Variants in SCN1A observed in about 807,000 individuals in gnomAD.
The protein encoded by SCN1A is sodium channel protein type 1 subunit alpha.
In SCN1A, 13 loss-of-function variants were observed where a neutral mutation model predicts 193.7. The observed-to-expected ratio is 0.07, with a 90% CI of 0.04 to 0.11. The LOEUF is 0.11. Ranked by LOEUF, SCN1A falls within the 10% of genes least tolerant of loss-of-function variation. The pLI is 1.00. For synonymous variants in SCN1A, 781 were observed against 843.6 expected (o/e 0.93, Z 1.29); for missense variants, 1,432 against 2,451.1 (o/e 0.58, Z 8.78).
intron 24 of SCN1A, among the ~76,000 whole-genome samples, chr2:166,000,447 A>G (rs916907564): frequency 6.6e-6 from 1 of 151,762 alleles, no homozygotes; most frequent in South Asian, 2.1e-4. Flanking sequence ...TGGCACTCAC[A>G]GGATGAAGGA....
At chr2:166,017,115 C>T (rs1693413436) in intron 19 of SCN1A, among the ~76,000 whole-genome samples, 2 of 151,018 alleles carry the variant, frequency 1.3e-5, no homozygotes, top group South Asian at 4.2e-4. Context: ...TGTCATAGCT[C>T]TGTGAATTCA....
At chr2:166,009,220 T>TCTA in intron 23 of SCN1A, 1 of 151,360 alleles carries the variant, frequency 6.6e-6, no homozygotes, top group Non-Finnish European at 1.5e-5. Context: ...ATCTTGAATA[T>TCTA]ATTCAAATAA....
chr2:165,985,760 T>G (rs964406831), downstream of SCN1A: 4 of 152,106 alleles, frequency 2.6e-5, no homozygotes, highest in Admixed American at 2.6e-4. Flanking sequence ...ATTGACAACC[T>G]CAGTGGGATA....
At chr2:166,130,224 G>A (rs1225184323), upstream of SCN1A, among the ~76,000 whole-genome samples, 1 of 152,182 alleles carries the variant, frequency 6.6e-6, no homozygotes, top group Non-Finnish European at 1.5e-5. Flanking sequence ...AAAGTTGCCA[G>A]TACTGCATCT....
intron 28 of SCN1A, chr2:165,993,683 C>T: frequency 6.0e-6 from 1 of 167,950 alleles, no homozygotes; most frequent in Non-Finnish European, 1.3e-5. Flanking sequence ...ATGTTTAGTC[C>T]TTGTCTTTAT....
intron 4 of SCN1A, among the ~76,000 whole-genome samples, chr2:166,070,323 G>C (rs6711853): frequency 0.075 from 11,420 of 152,258 alleles, 1,150 homozygotes; most frequent in African/African-American, 0.23. Flanking sequence ...AGATTTGCTT[G>C]CTGTCAGTTC....
At chr2:166,088,117 G>A (rs1028890575) in intron 2 of SCN1A, among the ~76,000 whole-genome samples, 3 of 143,102 alleles carry the variant, frequency 2.1e-5, no homozygotes, top group Non-Finnish European at 4.7e-5. Flanking sequence ...ATCTTGAATT[G>A]TCACTAAACC....
chr2:166,002,487 G>T lies in SCN1A; in HGVS notation c.4269C>A (p.Leu1423=). 6.2e-7 allele frequency: 1 copy of T among 1,611,238 alleles called. No homozygotes were observed. The highest frequency in any genetic ancestry group is 8.5e-7 in the Non-Finnish European group (1 of 1,178,386). Residue 1423 remains leucine (L), a synonymous_variant, in exon 24 of 29, where the codon CTC becomes CTA. Transcript: ENST00000674923. The part of the protein sequence containing the change: ...VNFDNVGFGY[L]SLLQVATFKG... ...GTTCACTTACAACTTGAAGCAAAGA[G>T]AGATACCCAAATCCTACATTATCAA...
At chr2:166,015,787 C>T in intron 19 of SCN1A, 60 bp from the exon 20 acceptor site, 3 of 1,585,392 alleles carry the variant, frequency 1.9e-6, no homozygotes, top group South Asian at 2.2e-5. Flanking sequence ...AGTTGCCTGC[C>T]AAGAAAGGAT....
At chr2:166,052,720 T>G in intron 8 of SCN1A, 132 bp downstream of exon 8, 1 of 823,302 alleles carries the variant, frequency 1.2e-6, no homozygotes. Context: ...AGCTTATGTC[T>G]AAACAATAAG....
At chr2:166,113,806 C>T (rs117613736) in intron 2 of SCN1A, among the ~76,000 whole-genome samples, 12 of 152,070 alleles carry the variant, frequency 7.9e-5, no homozygotes, top group East Asian at 7.7e-4. Flanking sequence ...CACTGAAGGC[C>T]GTAACTTCAC....
At chr2:166,016,954 T>G (rs1049626668) in intron 19 of SCN1A, among the ~76,000 whole-genome samples, 2 of 151,054 alleles carry the variant, frequency 1.3e-5, no homozygotes, top group African/African-American at 4.9e-5. Flanking sequence ...AGTAAAAGTT[T>G]CACCGAAATA....
At chr2:166,109,683 C>T (rs1193250169) in intron 2 of SCN1A, 1 of 152,174 alleles carries the variant, frequency 6.6e-6, no homozygotes. Context: ...TTTAATGTCA[C>T]TTTAGTAATT....
chr2:166,006,956 T>C (rs1691748170), intron 23 of SCN1A, among the ~76,000 whole-genome samples: 1 of 151,190 alleles, frequency 6.6e-6, no homozygotes, highest in Non-Finnish European at 1.5e-5. Flanking sequence ...TCCCCAAAGA[T>C]GGATAACTCC....
chr2:166,107,202 C>A (rs1380282693), intron 2 of SCN1A, among the ~76,000 whole-genome samples: 2 of 152,156 alleles, frequency 1.3e-5, no homozygotes, highest in Non-Finnish European at 2.9e-5. Context: ...TTCACATAAG[C>A]ATTTATCTGC....
rs532595587 is a variant in SCN1A at position 166,118,907 on chromosome 2, A to C, written c.-142+8017T>G. On this transcript the variant is annotated intron_variant, in intron 2 of 28. Transcript: ENST00000674923. The stretch of plus-strand genomic sequence containing the variant: ...CAATAATCTAGATAAGGAGTCCCCA[A>C]CCTTTTTGGCACCAGGGACTGGTTT... Among the ~76,000 whole-genome samples the C allele has an allele frequency of 7.0e-4, 107 of 152,260 alleles. 1 individual carries two copies. Among genetic ancestry groups the C allele is most frequent in the African/African-American group, 2.4e-3 (101 of 41,566 alleles).
intron 1 of SCN1A, among the ~76,000 whole-genome samples, chr2:166,135,787 C>T (rs1691832979): frequency 6.6e-6 from 1 of 152,100 alleles, no homozygotes; most frequent in East Asian, 1.9e-4. Context: ...GCCTAGTTCT[C>T]CTCGTGATTC....
chr2:166,076,291 C>T (rs1217809949), intron 3 of SCN1A, among the ~76,000 whole-genome samples: 1 of 151,784 alleles, frequency 6.6e-6, no homozygotes, highest in Non-Finnish European at 1.5e-5. Flanking sequence ...TATCACCTTT[C>T]CCTCTTGTAT....
At position 165,992,276 on chromosome 2, in the gene SCN1A, G is replaced by A. The variant is rs796053032; in HGVS notation, c.4999C>T (p.Leu1667Phe). ...AGGCCGATGTTAAACAACGCAGGAA[G>A]GGACATCATCAAAGCAAAGAGCAGC... Reference protein sequence around the residue: ...RTLLFALMMSLPALFNIGLLL... With the variant: ...RTLLFALMMSFPALFNIGLLL... The change falls in exon 29 of 29, where the codon CTT (leucine) becomes TTT (phenylalanine). Residue 1667 changes from leucine to phenylalanine, a missense_variant. Leu to Phe is a conservative substitution (Grantham distance 22, BLOSUM62 0). Around this residue, in one of 18 missense-constraint regions of SCN1A, gnomAD observed 85 missense variants for 213.2 expected, o/e 0.40. Transcript: ENST00000674923. This position sits in a 1 kb window ranked among gnomAD's most constrained non-coding sequence, Gnocchi z 6.5. 2 of 1,613,808 alleles carry A rather than the reference G, an allele frequency of 1.2e-6. No homozygotes were observed. The highest frequency in any genetic ancestry group is 1.7e-6 in the Non-Finnish European group (2 of 1,179,880).
Sources: gnomAD v4.1 joint callset for allele counts (sites outside exome capture counted in the v4.1 genomes callset) on GRCh38, gnomAD v4.1.1 for gene constraint, gnomAD v4.1.1 regional missense constraint, Gnocchi (gnomAD v3.1) non-coding constraint, MANE v1.5 for transcripts, NCBI Gene and HGNC (gene_info 2026-07-23, HGNC 2026-07-21) for gene names.